Variants in ANK3 observed in about 807,000 individuals in gnomAD.
ANK3 encodes ankyrin-3.
Under a neutral mutation model 370.9 loss-of-function variants are expected in ANK3, and 57 were observed. That is an observed-to-expected ratio of 0.15 (90% CI 0.12 to 0.19). ANK3 has a LOEUF of 0.19. ANK3 is among the 10% of genes least tolerant of loss of function. The pLI, the probability that ANK3 is intolerant of heterozygous loss-of-function variation, is 1.00. For synonymous variants in ANK3, 1,929 were observed against 1,946.3 expected, an observed-to-expected ratio of 0.99 and a Z score of 0.23; for missense variants, 4,439 against 5,302.1, an observed-to-expected ratio of 0.84 and a Z score of 5.06.
chr10:60,346,678 C>A lies in ANK3; in HGVS notation c.114+42747G>T, dbSNP rs990994384. The stretch of plus-strand genomic sequence containing the variant: ...GATGTTTTACATGTACATACATAAC[C>A]AACTCTCATACTTTGGAAATATATA... On this transcript the variant is annotated intron_variant, in intron 1 of 43. Coordinates refer to ENST00000280772, the MANE Select transcript of ANK3 (RefSeq NM_020987.5). Among the ~76,000 whole-genome samples the A allele has an allele frequency of 6.6e-5, 10 of 152,000 alleles. 1 individual carries two copies. Among genetic ancestry groups the A allele is most frequent in the Admixed American group, 5.9e-4 (9 of 15,252 alleles).
intron 2 of ANK3, among the ~76,000 whole-genome samples, chr10:60,457,926 A>C (rs2064789255): frequency 6.6e-6 from 1 of 152,052 alleles, no homozygotes; most frequent in African/African-American, 2.4e-5. Context: ...GAACAGGCAC[A>C]ATCACGGGTC....
intron 43 of ANK3, among the ~76,000 whole-genome samples, chr10:60,031,817 T>G (rs943768889): frequency 1.3e-5 from 2 of 152,124 alleles, no homozygotes; most frequent in Non-Finnish European, 2.9e-5. Context: ...TGGCTTCCTT[T>G]TTAGTATTAA....
At chr10:60,198,307 G>C in intron 14 of ANK3, 33 bp downstream of exon 14, 2 of 1,606,824 alleles carry the variant, frequency 1.2e-6, no homozygotes, top group Non-Finnish European at 1.7e-6. Context: ...TATTTGGGGG[G>C]ACAGAGCAGG....
intron 2 of ANK3, among the ~76,000 whole-genome samples, chr10:60,473,842 A>G (rs759978401): frequency 1.3e-5 from 2 of 152,010 alleles, no homozygotes; most frequent in Non-Finnish European, 2.9e-5. Context: ...GAACTTTTTG[A>G]ATAAACAGGC....
chr10:60,398,696 T>C (rs966252855), intron 2 of ANK3, among the ~76,000 whole-genome samples: 1 of 152,214 alleles, frequency 6.6e-6, no homozygotes. Context: ...TGAAGCAGCA[T>C]AATCCAAACA....
chr10:60,426,708 C>G (rs2063896057), intron 2 of ANK3, among the ~76,000 whole-genome samples: 1 of 152,118 alleles, frequency 6.6e-6, no homozygotes, highest in Non-Finnish European at 1.5e-5. Flanking sequence ...GAAAGGCCGT[C>G]AAGCATCTTC....
intron 9 of ANK3, among the ~76,000 whole-genome samples, 197 bp downstream of exon 9, chr10:60,213,215 C>T (rs1027744250): frequency 6.6e-6 from 1 of 152,138 alleles, no homozygotes; most frequent in Non-Finnish European, 1.5e-5. Context: ...CACACACAAA[C>T]AACTTTGTGG....
intron 1 of ANK3, among the ~76,000 whole-genome samples, chr10:60,627,707 G>A (rs12357371): frequency 0.15 from 22,689 of 152,092 alleles, 2,132 homozygotes; most frequent in South Asian, 0.27. Context: ...GCTATGATCA[G>A]TTGGATGACT....
At chr10:60,413,734 C>T (rs2063605563) in intron 2 of ANK3, among the ~76,000 whole-genome samples, 1 of 152,156 alleles carries the variant, frequency 6.6e-6, no homozygotes, top group Non-Finnish European at 1.5e-5. Context: ...GTGACTCATG[C>T]CTGTAATCCC....
intron 28 of ANK3, among the ~76,000 whole-genome samples, chr10:60,097,742 GA>G (rs532628097): frequency 6.6e-6 from 1 of 152,146 alleles, no homozygotes; most frequent in Non-Finnish European, 1.5e-5. Flanking sequence ...GTTAAATGGG[GA>G]CACAGCTCTG....
At position 60,028,228 on chromosome 10, in the gene ANK3, A is replaced by C. The variant is rs1004957439; in HGVS notation, c.*1618T>G. 1.3e-5 allele frequency: 2 copies of C among 152,420 alleles called. No individual in the cohort carries two copies. The highest frequency in any genetic ancestry group is 2.9e-5 in the Non-Finnish European group (2 of 68,036). The allele number at this position is 152,420 out of a possible 1,614,324, so 9.4% of individuals were successfully genotyped here. A position where few individuals can be genotyped will look rare whatever the true frequency, so the allele number is the denominator to read the frequency against. ...AATTCTTGGCTCCCCCATGAAATGC[A>C]CAGAATTTATAAGCTGGGAGCTTGC... On this transcript the variant is annotated 3_prime_UTR_variant, in exon 44 of 44. Coordinates refer to ENST00000280772, the MANE Select transcript of ANK3 (RefSeq NM_020987.5).
At chr10:60,309,309 A>C (rs1042841780) in intron 1 of ANK3, among the ~76,000 whole-genome samples, 6 of 152,212 alleles carry the variant, frequency 3.9e-5, no homozygotes, top group Admixed American at 6.5e-5. Context: ...TCATTATTTC[A>C]TATGTTCTTG....
chr10:60,213,578 C>G (rs187433054), intron 8 of ANK3, 68 bp from the exon 9 acceptor site: 1 of 999,090 alleles, frequency 1.0e-6, no homozygotes, highest in Admixed American at 2.4e-5. Context: ...TGTACTTCTT[C>G]AAGATCCAGC....
rs549582026 is a variant in ANK3 at position 60,173,063 on chromosome 10, A to G, written c.2283+25T>C. 2.5e-6 allele frequency: 4 copies of G among 1,610,904 alleles called. No homozygotes were observed. The East Asian group carries it at 8.9e-5, about 36-fold the overall frequency. ...TGAAGCAAAAATAAATGATTCTGGCAGAAACAAAAAAGGAAGGAGCTTACC... is the reference window on the plus strand; with the variant it reads ...TGAAGCAAAAATAAATGATTCTGGCGGAAACAAAAAAGGAAGGAGCTTACC... On this transcript the variant is annotated intron_variant, in intron 19 of 43. Coordinates refer to ENST00000280772, the MANE Select transcript of ANK3 (RefSeq NM_020987.5).
intron 1 of ANK3, among the ~76,000 whole-genome samples, chr10:60,634,513 C>A (rs866585557): frequency 6.6e-6 from 1 of 152,032 alleles, no homozygotes; most frequent in Non-Finnish European, 1.5e-5. Flanking sequence ...TAAAACGGAA[C>A]AATTGGCACT....
chr10:60,608,288 G>A (rs953483105), intron 2 of ANK3, among the ~76,000 whole-genome samples: 1 of 152,082 alleles, frequency 6.6e-6, no homozygotes, highest in Non-Finnish European at 1.5e-5. Flanking sequence ...CAGCAGACTG[G>A]CCATAAGCTC....
rs549610543 is a variant in ANK3 at position 60,056,861 on chromosome 10, C to CA, written c.12687-826dup. 5.3e-5 allele frequency among the ~76,000 whole-genome samples: 8 copies of CA among 152,076 alleles called. No individual in the cohort carries two copies. In the East Asian group the frequency reaches 1.6e-3, roughly 29 times the overall value. ...TGATGTGGTAAAACCATGTCTCTAC[C>CA]AAAAAACTACAAAAATTAGTGGGCA... On this transcript the variant is annotated intron_variant, in intron 41 of 43. Coordinates refer to ENST00000280772, the MANE Select transcript of ANK3 (RefSeq NM_020987.5).
intron 2 of ANK3, among the ~76,000 whole-genome samples, chr10:60,567,772 T>C (rs1007061515): frequency 3.3e-5 from 5 of 152,150 alleles, no homozygotes; most frequent in Non-Finnish European, 7.3e-5. Flanking sequence ...TGGGAGGAGG[T>C]CAAAATATCA....
chr10:60,197,553 AACTCT>A (rs937120173), intron 14 of ANK3, among the ~76,000 whole-genome samples: 6 of 152,210 alleles, frequency 3.9e-5, no homozygotes, highest in Non-Finnish European at 8.8e-5. Context: ...CTTGCATCTC[AACTCT>A]ACTGAAGAGC....
Sources: gnomAD v4.1 joint callset for allele counts (sites outside exome capture counted in the v4.1 genomes callset) on GRCh38, gnomAD v4.1.1 for gene constraint, MANE v1.5 for transcripts, NCBI Gene and HGNC (gene_info 2026-07-23, HGNC 2026-07-21) for gene names.